RNF115: variants seen among roughly 807,000 people sequenced by gnomAD.
RNF115 encodes the protein E3 ubiquitin-protein ligase RNF115.
RNF115 carries 31 observed loss-of-function variants against 39.2 expected under a neutral mutation model. The ratio of observed to expected loss-of-function variants is 0.79; its 90% CI spans 0.59 to 1.07. The LOEUF is 1.07. Ranked by LOEUF, RNF115 falls within the 50% of genes least tolerant of loss-of-function variation. The probability of loss-of-function intolerance (pLI) is 0.00; values close to 1 mark genes in which losing one functional copy is unlikely to be tolerated. For synonymous variants in RNF115, 124 were observed against 131.0 expected (o/e 0.95, Z 0.37); for missense variants, 384 against 381.7 (o/e 1.01, Z -0.05).
At chr1:145,810,915 G>A (rs1553722423) in intron 1 of RNF115, among the ~76,000 whole-genome samples, 2 of 149,196 alleles carry the variant, frequency 1.3e-5, no homozygotes, top group Non-Finnish European at 3.0e-5. Context: ...ACCCAGGCTG[G>A]AGTGCAGCGG....
intron 1 of RNF115, among the ~76,000 whole-genome samples, chr1:145,796,147 A>G (rs1410310024): frequency 6.6e-6 from 1 of 152,154 alleles, no homozygotes; most frequent in African/African-American, 2.4e-5. Flanking sequence ...AAGACTTCAT[A>G]TCACTCCACT....
chr1:145,764,439 C>A (rs1658666274), intron 4 of RNF115, among the ~76,000 whole-genome samples: 1 of 151,604 alleles, frequency 6.6e-6, no homozygotes, highest in South Asian at 2.1e-4. Flanking sequence ...GGGAGCGCCT[C>A]GGCCCCACCG....
chr1:145,812,591 C>T (rs1472497184), intron 1 of RNF115, among the ~76,000 whole-genome samples: 3 of 151,394 alleles, frequency 2.0e-5, no homozygotes, highest in Admixed American at 6.6e-5. Flanking sequence ...ACGTGGGAGG[C>T]GGAGGTTGCA....
chr1:145,803,530 AG>A (rs1223903758), intron 1 of RNF115, among the ~76,000 whole-genome samples: 2 of 152,134 alleles, frequency 1.3e-5, no homozygotes, highest in Non-Finnish European at 2.9e-5. Flanking sequence ...GTGGGAATAC[AG>A]GTGCCCGCCA....
At chr1:145,778,012 T>C (rs1553716788) in intron 3 of RNF115, among the ~76,000 whole-genome samples, 4 of 152,012 alleles carry the variant, frequency 2.6e-5, no homozygotes, top group African/African-American at 9.7e-5. Flanking sequence ...AAACATATGA[T>C]CACACAAAAA....
At chr1:145,804,332 T>C (rs1649373696) in intron 1 of RNF115, among the ~76,000 whole-genome samples, 1 of 152,230 alleles carries the variant, frequency 6.6e-6, no homozygotes, top group Non-Finnish European at 1.5e-5. Context: ...CTGAATATCC[T>C]AGTCTTAGGT....
chr1:145,792,438 C>T (rs1648717750), intron 1 of RNF115, among the ~76,000 whole-genome samples: 1 of 152,222 alleles, frequency 6.6e-6, no homozygotes, highest in East Asian at 1.9e-4. Context: ...TCAAGTCATC[C>T]TCCCAAAGTG....
intron 1 of RNF115, among the ~76,000 whole-genome samples, chr1:145,813,174 G>A (rs587628769): frequency 3.2e-4 from 48 of 151,728 alleles, no homozygotes; most frequent in Non-Finnish European, 6.0e-4. Context: ...CTTCCCATAC[G>A]TGCACCTAAG....
At chr1:145,811,372 A>G (rs868912278) in intron 1 of RNF115, among the ~76,000 whole-genome samples, 46 of 148,106 alleles carry the variant, frequency 3.1e-4, no homozygotes, top group African/African-American at 9.5e-4. Context: ...AAAAAAAAAA[A>G]AAAGAAAAAA....
At chr1:145,747,048 G>C (rs1657903460) in intron 8 of RNF115, 51 bp from the exon 9 acceptor site, 1 of 1,565,302 alleles carries the variant, frequency 6.4e-7, no homozygotes, top group Non-Finnish European at 8.7e-7. Flanking sequence ...TGAGAAGCTG[G>C]GAGTATTGTA....
At chr1:145,789,412 CT>C (rs199800964) in intron 1 of RNF115, among the ~76,000 whole-genome samples, 9 of 140,392 alleles carry the variant, frequency 6.4e-5, no homozygotes, top group Non-Finnish European at 1.1e-4. Context: ...AGTTTTTTTT[CT>C]TTTTTTTTTG....
chr1:145,755,662 T>C (rs1658267250), intron 4 of RNF115, among the ~76,000 whole-genome samples: 1 of 152,068 alleles, frequency 6.6e-6, no homozygotes, highest in Admixed American at 6.6e-5. Context: ...TGAGAGTATC[T>C]TTGGAACCCA....
intron 1 of RNF115, among the ~76,000 whole-genome samples, chr1:145,821,498 T>C: frequency 1.2e-5 from 1 of 86,536 alleles, no homozygotes; most frequent in African/African-American, 3.3e-5. Flanking sequence ...AGGGTCTGGC[T>C]CTATTGCCCA....
rs587742418 is a variant in RNF115, at chr1:145,744,827, T to G, written c.*2039A>C. 1 of 152,338 alleles carries G rather than the reference T, an allele frequency of 6.6e-6. No homozygotes were observed. Among genetic ancestry groups the G allele is most frequent in the East Asian group, 1.9e-4 (1 of 5,178 alleles). The allele number at this position is 152,338 out of a possible 1,614,324, so 9.4% of individuals were successfully genotyped here. ...GTCCCCATCATTTCCTTTTGAGACC[T>G]TGAAGTTTCAACAACATTCTTGACC... On this transcript the variant is annotated 3_prime_UTR_variant, in exon 9 of 9. Coordinates refer to ENST00000582693, the MANE Select transcript of RNF115 (RefSeq NM_014455.4).
intron 4 of RNF115, among the ~76,000 whole-genome samples, chr1:145,760,623 C>T (rs1553713700): frequency 1.3e-5 from 2 of 152,194 alleles, no homozygotes; most frequent in African/African-American, 4.8e-5. Context: ...TCACCTCCCA[C>T]CATGATTAAG....
chr1:145,747,067 T>TTGTAC, intron 8 of RNF115, 70 bp from the exon 9 acceptor site: 1 of 1,465,364 alleles, frequency 6.8e-7, no homozygotes, highest in Non-Finnish European at 9.3e-7. Context: ...TACACTTAAA[T>TTGTAC]AACCCTGAGA....
chr1:145,751,516 C>A lies in RNF115; in HGVS notation c.501-6G>T. On this transcript the variant is annotated splice_region_variant and splice_polypyrimidine_tract_variant and intron_variant, in intron 5 of 8. Transcript: ENST00000582693. ...TGGAGTGCAGCATCCCGCTCCTATA[C>A]GTGAGATGAGATAGACAGCATTAGA... 6.3e-7 allele frequency: 1 copy of A among 1,589,920 alleles called. No individual in the cohort carries two copies. Among genetic ancestry groups the A allele is most frequent in the African/African-American group, 1.3e-5 (1 of 74,702 alleles).
intron 4 of RNF115, 126 bp downstream of exon 4, chr1:145,771,585 T>C: frequency 2.8e-6 from 2 of 722,882 alleles, no homozygotes; most frequent in Middle Eastern, 3.1e-4. Flanking sequence ...TTCACTTTCA[T>C]CCTTTCTACA....
In RNF115 at chr1:145,771,741, G is replaced by A. The variant is rs782266405; in HGVS notation, c.398C>T (p.Ser133Phe). 3.7e-6 allele frequency: 6 copies of A among 1,613,986 alleles called. No homozygotes were observed. The Admixed American group carries it at 8.3e-5, about 22-fold the overall frequency. ...LGRRYRSRGS[S>F]RPDRSPAIEG... The stretch of plus-strand genomic sequence containing the variant: ...AATAGCTGGAGATCTGTCAGGACGA[G>A]AACTTCCTCGAGATCTGTATCTCCG... The change falls in exon 4 of 9, where the codon TCT (serine) becomes TTT (phenylalanine). Residue 133 changes from serine (S) to phenylalanine (F), a missense_variant. Coordinates refer to ENST00000582693, the MANE Select transcript of RNF115 (RefSeq NM_014455.4).
Sources: allele counts gnomAD v4.1 joint callset (sites outside exome capture counted in the v4.1 genomes callset), GRCh38; gene constraint gnomAD v4.1.1; transcripts MANE v1.5; gene names NCBI Gene and HGNC (gene_info 2026-07-23, HGNC 2026-07-21).